The following FMN2 variants were observed in gnomAD, a reference collection of about 807,000 sequenced individuals.
FMN2 encodes formin 2.
In FMN2, 51 loss-of-function variants were observed where a neutral mutation model predicts 142.3. The ratio of observed to expected loss-of-function variants is 0.36; its 90% CI spans 0.29 to 0.45. The LOEUF (loss-of-function observed/expected upper bound fraction) is 0.45. Among genes scored for constraint, FMN2 ranks in the 20% least tolerant of loss-of-function variants. FMN2 has a pLI of 1.00. For synonymous variants in FMN2, 882 were observed against 869.8 expected (o/e 1.01, Z -0.25); for missense variants, 1,936 against 2,122.8 (o/e 0.91, Z 1.73).
intron 3 of FMN2, among the ~76,000 whole-genome samples, chr1:240,186,007 T>C (rs1245137937): frequency 6.6e-6 from 1 of 152,220 alleles, no homozygotes; most frequent in East Asian, 1.9e-4. Context: ...AAAGAATCCA[T>C]TTTTGATTAG....
Position 240,396,970 on chromosome 1 carries a change from T to G in FMN2, c.4910+4408T>G, listed in dbSNP as rs529266481. Reference sequence around the variant, plus strand: ...TATTTTCCTTTGGGTGTATATCCAGTAGTGGGATTGCTGAGTCAAATGGTA... The same window carrying G: ...TATTTTCCTTTGGGTGTATATCCAGGAGTGGGATTGCTGAGTCAAATGGTA... On this transcript the variant is annotated intron_variant, in intron 15 of 17. Transcript: ENST00000319653. Among the ~76,000 whole-genome samples, 7 of 152,320 alleles carry G rather than the reference T, an allele frequency of 4.6e-5. No individual in the cohort carries two copies. The South Asian group carries it at 1.4e-3, about 32-fold the overall frequency.
Position 240,092,764 on chromosome 1 carries a change from C to G in FMN2, c.655C>G (p.Gln219Glu), listed in dbSNP as rs768654005. Residue 219 changes from glutamine to glutamate, a missense_variant, in exon 1 of 18, where the codon CAA (glutamine) becomes GAA (glutamate). Physicochemically the swap from Gln to Glu is conservative, Grantham distance 29. Around this residue, in one of 8 missense-constraint regions of FMN2, gnomAD observed 751 missense variants for 791.8 expected, o/e 0.95. Coordinates refer to ENST00000319653, the MANE Select transcript of FMN2 (RefSeq NM_020066.5). ...QQQQLQLQLQ[Q>E]QQQQQQLQGA... is the part of the protein sequence containing the mutation. ...GCAGCAGCTCCAGCTCCAGCTCCAG[C>G]AACAGCAGCAGCAGCAGCAGCTCCA... 1 of 1,610,508 alleles carries G rather than the reference C, an allele frequency of 6.2e-7. No homozygotes were observed. The highest frequency in any genetic ancestry group is 8.5e-7 in the Non-Finnish European group (1 of 1,178,714).
Position 240,271,417 on chromosome 1 carries a change from A to ATT in FMN2, c.4153+13399_4153+13400dup, listed in dbSNP as rs199805120. Among the ~76,000 whole-genome samples the ATT allele has an allele frequency of 6.0e-3, 835 of 139,058 alleles. 2 individuals carry two copies. Among genetic ancestry groups the ATT allele is most frequent in the African/African-American group, 0.019 (723 of 38,016 alleles). 91.2% of individuals were successfully genotyped at this position (139,058 alleles called of 152,430 possible). On this transcript the variant is annotated intron_variant, in intron 7 of 17. Transcript: ENST00000319653. Reference sequence around the variant, plus strand: ...TCCCCACTAGGCTTTTCAGTGTCTGATTTTTTTTTTTTTTTAATGAAACTC... The same window carrying ATT: ...TCCCCACTAGGCTTTTCAGTGTCTGATTTTTTTTTTTTTTTTTAATGAAACTC...
chr1:240,325,497 AC>A (rs1558434256), intron 8 of FMN2, among the ~76,000 whole-genome samples: 7 of 152,288 alleles, frequency 4.6e-5, no homozygotes, highest in African/African-American at 1.4e-4. Context: ...ACACACACAT[AC>A]AGATTTGATC....
chr1:240,436,214 CTCTT>C (rs1386282826), intron 15 of FMN2, among the ~76,000 whole-genome samples: 36 of 152,262 alleles, frequency 2.4e-4, no homozygotes, highest in Admixed American at 2.0e-3. Context: ...CACAGCCTGA[CTCTT>C]TCTCAGGTTT....
intron 16 of FMN2, among the ~76,000 whole-genome samples, chr1:240,442,200 C>T (rs149810884): frequency 1.0e-3 from 157 of 152,298 alleles, no homozygotes; most frequent in African/African-American, 3.4e-3. Flanking sequence ...TGTAGCTTAG[C>T]TTTAACTTCC....
At position 240,119,806 on chromosome 1, in the gene FMN2, C is replaced by A. The variant is rs560854581; in HGVS notation, c.1616-3373C>A. Among the ~76,000 whole-genome samples the A allele has an allele frequency of 1.3e-4, 20 of 152,320 alleles. No homozygotes were observed. The South Asian group carries it at 4.1e-3, about 32-fold the overall frequency. ...GTGCACGTACACATTTACCTTCAGTCACACACATGCAAGATCCTGCTGACC... is the reference window on the plus strand; with the variant it reads ...GTGCACGTACACATTTACCTTCAGTAACACACATGCAAGATCCTGCTGACC... On this transcript the variant is annotated intron_variant, in intron 1 of 17. Transcript: ENST00000319653.
intron 6 of FMN2, among the ~76,000 whole-genome samples, chr1:240,248,707 T>C (rs935760212): frequency 1.3e-5 from 2 of 151,970 alleles, no homozygotes; most frequent in African/African-American, 4.8e-5. Context: ...CTAATTTAAA[T>C]CCCCTTTTAT....
chr1:240,318,723 TAGAG>T (rs1169509053), intron 8 of FMN2, among the ~76,000 whole-genome samples: 8 of 152,212 alleles, frequency 5.3e-5, no homozygotes, highest in African/African-American at 1.7e-4. Flanking sequence ...GAACATGTGT[TAGAG>T]AGAGTCAGGG....
At chr1:240,412,490 C>T (rs1674432052) in intron 15 of FMN2, among the ~76,000 whole-genome samples, 2 of 152,044 alleles carry the variant, frequency 1.3e-5, no homozygotes, top group Non-Finnish European at 2.9e-5. Flanking sequence ...CATGAAGATC[C>T]AGATATACTG....
At chr1:240,146,136 T>C (rs1489018516) in intron 2 of FMN2, among the ~76,000 whole-genome samples, 24 of 150,646 alleles carry the variant, frequency 1.6e-4, no homozygotes, top group South Asian at 4.2e-4. Context: ...GTAATCCCAG[T>C]ACTTTGGGAG....
At chr1:240,376,949 A>G (rs1401459683) in intron 14 of FMN2, among the ~76,000 whole-genome samples, 2 of 152,180 alleles carry the variant, frequency 1.3e-5, no homozygotes, top group African/African-American at 4.8e-5. Context: ...ACAACAGTAT[A>G]CTGTCATTCT....
chr1:240,295,940 A>G (rs1173678526), intron 8 of FMN2, among the ~76,000 whole-genome samples: 1 of 152,128 alleles, frequency 6.6e-6, no homozygotes, highest in Non-Finnish European at 1.5e-5. Flanking sequence ...CTCTCTCCTA[A>G]TAGCCTTGCC....
intron 15 of FMN2, among the ~76,000 whole-genome samples, chr1:240,410,538 A>G (rs1463953498): frequency 6.6e-6 from 1 of 152,200 alleles, no homozygotes; most frequent in African/African-American, 2.4e-5. Context: ...TTTTCCTCAG[A>G]TCATCAACCA....
intron 8 of FMN2, among the ~76,000 whole-genome samples, chr1:240,326,742 T>C (rs1671184270): frequency 6.6e-6 from 1 of 151,880 alleles, no homozygotes. Context: ...GTTTTGGGTA[T>C]AGAAAGGGGT....
At chr1:240,238,527 A>G (rs2102862738) in intron 6 of FMN2, among the ~76,000 whole-genome samples, 1 of 152,270 alleles carries the variant, frequency 6.6e-6, no homozygotes, top group Middle Eastern at 3.4e-3. Context: ...CTCCTGCGTG[A>G]CTTATTTAAT....
In FMN2 at chr1:240,104,168, G is replaced by A. The variant is rs145880364; in HGVS notation, c.1615+10444G>A. 4.0e-3 allele frequency among the ~76,000 whole-genome samples: 595 copies of A among 150,456 alleles called. 2 individuals carry two copies. Among genetic ancestry groups the A allele is most frequent in the Non-Finnish European group, 6.5e-3 (439 of 67,712 alleles). On this transcript the variant is annotated intron_variant, in intron 1 of 17. Coordinates refer to ENST00000319653, the MANE Select transcript of FMN2 (RefSeq NM_020066.5). Reference sequence around the variant, plus strand: ...GCTGGGATTACAGGCGTGAGCCACCGTGCCCAGCCGACATTATGTTATATA... The same window carrying A: ...GCTGGGATTACAGGCGTGAGCCACCATGCCCAGCCGACATTATGTTATATA...
chr1:240,438,196 T>C lies in FMN2; in HGVS notation c.5046T>C (p.Leu1682=). The C allele has an allele frequency of 6.2e-7, 1 of 1,613,226 alleles. No homozygotes were observed. The highest frequency in any genetic ancestry group is 8.5e-7 in the Non-Finnish European group (1 of 1,179,758). The change falls in exon 16 of 18, where the codon CTT becomes CTC. Residue 1682 remains leucine, a synonymous_variant. Coordinates refer to ENST00000319653, the MANE Select transcript of FMN2 (RefSeq NM_020066.5). Reference sequence around the variant, plus strand: ...ACTTCTGGAAGAAAGAGAACAAACTTCTTCTACAAGAGAGGTAGGTATTTT... The same window carrying C: ...ACTTCTGGAAGAAAGAGAACAAACTCCTTCTACAAGAGAGGTAGGTATTTT... The part of the protein sequence containing the change: ...FKDFWKKENK[L]LLQERVKEAE...
intron 2 of FMN2, chr1:240,142,850 C>T: frequency 6.3e-7 from 1 of 1,590,028 alleles, no homozygotes. Flanking sequence ...CATCCACTGC[C>T]TGGCCTACAT....
Sources: gnomAD v4.1 joint callset for allele counts (sites outside exome capture counted in the v4.1 genomes callset) on GRCh38, gnomAD v4.1.1 for gene constraint, gnomAD v4.1.1 regional missense constraint, MANE v1.5 for transcripts, NCBI Gene and HGNC (gene_info 2026-07-23, HGNC 2026-07-21) for gene names.